GNAI1: variants seen among roughly 807,000 people sequenced by gnomAD.
GNAI1 encodes the protein G protein subunit alpha i1.
GNAI1 carries 11 observed loss-of-function variants against 38.9 expected under a neutral mutation model. The observed-to-expected ratio is 0.28, with a 90% CI of 0.18 to 0.47. GNAI1 has a LOEUF of 0.47. GNAI1 is among the 20% of genes least tolerant of loss of function. The pLI is 0.99. For missense variants in GNAI1, 317 were observed against 436.9 expected (o/e 0.73, Z 2.45); for synonymous variants, 166 against 145.1 (o/e 1.14, Z -1.04).
Position 80,180,342 on chromosome 7 carries a change from TG to T in GNAI1, c.119-8608del, listed in dbSNP as rs1788270443. Among the ~76,000 whole-genome samples, 6 of 152,078 alleles carry T rather than the reference TG, an allele frequency of 3.9e-5. No individual in the cohort carries two copies. In the East Asian group the frequency reaches 1.2e-3, roughly 29 times the overall value. ...TATAAAGTGTGTGTGTGTGTGTGTGTGTGTGTGTATATAAAGTGTAAATGTG... is the reference window on the plus strand; with the variant it reads ...TATAAAGTGTGTGTGTGTGTGTGTGTTGTGTGTATATAAAGTGTAAATGTG... On this transcript the variant is annotated intron_variant, in intron 1 of 7. Transcript: ENST00000649796.
At chr7:80,205,336 C>T (rs151127971) in intron 5 of GNAI1, among the ~76,000 whole-genome samples, 1,529 of 151,422 alleles carry the variant, frequency 0.01, 12 homozygotes, top group Non-Finnish European at 0.016. Flanking sequence ...TTTAACCCAA[C>T]AAGGTTAAGA....
At chr7:80,200,743 A>G (rs1026821759) in intron 4 of GNAI1, among the ~76,000 whole-genome samples, 13 of 151,844 alleles carry the variant, frequency 8.6e-5, no homozygotes, top group African/African-American at 2.9e-4. Context: ...CCTGTATTTC[A>G]TAATCTATAT....
At chr7:80,155,487 T>C (rs1269169226) in intron 1 of GNAI1, among the ~76,000 whole-genome samples, 2 of 152,206 alleles carry the variant, frequency 1.3e-5, no homozygotes, top group Non-Finnish European at 2.9e-5. Context: ...GTTATGTTTT[T>C]ATTTATTCTG....
intron 1 of GNAI1, among the ~76,000 whole-genome samples, chr7:80,152,653 C>T (rs1252542090): frequency 2.7e-5 from 4 of 150,630 alleles, no homozygotes; most frequent in Non-Finnish European, 5.9e-5. Flanking sequence ...CTCCAACTTC[C>T]GGGTTCATGC....
At chr7:80,182,216 A>G (rs919145792) in intron 1 of GNAI1, among the ~76,000 whole-genome samples, 3 of 152,306 alleles carry the variant, frequency 2.0e-5, no homozygotes, top group East Asian at 3.9e-4. Flanking sequence ...TTCATTGTGT[A>G]TATATACACA....
chr7:80,135,295 C>CGGGGCCCGGGGGTCGGCG lies in GNAI1; in HGVS notation c.118+22_118+39dup. On this transcript the variant is annotated intron_variant, in intron 1 of 7. Coordinates refer to ENST00000649796, the MANE Select transcript of GNAI1 (RefSeq NM_002069.6). Reference sequence around the variant, plus strand: ...TGCTGCTCGGTAAGGGCGGCCGGGTCGGGGCCCGGGGGTCGGCGGGGGACC... The same window carrying CGGGGCCCGGGGGTCGGCG: ...TGCTGCTCGGTAAGGGCGGCCGGGTCGGGGCCCGGGGGTCGGCGGGGGCCCGGGGGTCGGCGGGGGACC... 7.3e-7 allele frequency: 1 copy of CGGGGCCCGGGGGTCGGCG among 1,373,708 alleles called. No individual in the cohort carries two copies. Among genetic ancestry groups the CGGGGCCCGGGGGTCGGCG allele is most frequent in the Non-Finnish European group, 9.6e-7 (1 of 1,044,978 alleles). 85.1% of individuals were successfully genotyped at this position (1,373,708 alleles called of 1,614,324 possible).
chr7:80,217,308 A>G lies in GNAI1; in HGVS notation c.880A>G (p.Asn294Asp). 6.5e-7 allele frequency: 1 copy of G among 1,549,470 alleles called. No homozygotes were observed. Among genetic ancestry groups the G allele is most frequent in the Non-Finnish European group, 8.7e-7 (1 of 1,149,222 alleles). Residue 294 changes from asparagine to aspartate, a missense_variant, in exon 8 of 8, where the codon AAC becomes GAC. Coordinates refer to ENST00000649796, the MANE Select transcript of GNAI1 (RefSeq NM_002069.6). ...TICYPEYAGS[N>D]TYEEAAAYIQ... is the part of the protein sequence containing the mutation. Reference sequence around the variant, plus strand: ...CTTTCCTTTTTCCATCTCAGGATCAAACACATATGAAGAGGCAGCTGCATA... The same window carrying G: ...CTTTCCTTTTTCCATCTCAGGATCAGACACATATGAAGAGGCAGCTGCATA...
In GNAI1 at chr7:80,215,363, C is replaced by T. The variant is rs533625254; in HGVS notation, c.875-1940C>T. Reference sequence around the variant, plus strand: ...TAGTTTAATTTAGCAGTTGCATTAGCTTCTGTGGGCCAACAAGATGCTGTT... The same window carrying T: ...TAGTTTAATTTAGCAGTTGCATTAGTTTCTGTGGGCCAACAAGATGCTGTT... On this transcript the variant is annotated intron_variant, in intron 7 of 7. Coordinates refer to ENST00000649796, the MANE Select transcript of GNAI1 (RefSeq NM_002069.6). Among the ~76,000 whole-genome samples, 3 of 152,302 alleles carry T rather than the reference C, an allele frequency of 2.0e-5. No individual in the cohort carries two copies. In the South Asian group the frequency reaches 6.2e-4, roughly 32 times the overall value.
chr7:80,147,538 A>G (rs890949233), intron 1 of GNAI1, among the ~76,000 whole-genome samples: 1 of 152,112 alleles, frequency 6.6e-6, no homozygotes, highest in Non-Finnish European at 1.5e-5. Context: ...TAAGCCACCC[A>G]GTATAGTTTT....
intron 1 of GNAI1, among the ~76,000 whole-genome samples, chr7:80,178,540 A>T (rs566929398): frequency 6.6e-6 from 1 of 152,298 alleles, no homozygotes; most frequent in South Asian, 2.1e-4. Flanking sequence ...ATCACCATGG[A>T]GGCAGGACCC....
At chr7:80,209,987 A>G (rs1788845730) in intron 5 of GNAI1, among the ~76,000 whole-genome samples, 1 of 152,174 alleles carries the variant, frequency 6.6e-6, no homozygotes, top group Non-Finnish European at 1.5e-5. Context: ...TAGTTGATGT[A>G]CTCAAATTTG....
intron 1 of GNAI1, among the ~76,000 whole-genome samples, chr7:80,160,492 A>G (rs1367490360): frequency 1.3e-5 from 2 of 152,104 alleles, no homozygotes; most frequent in Non-Finnish European, 2.9e-5. Flanking sequence ...AGCATTCAGG[A>G]GAAATTCAGT....
chr7:80,139,009 GC>G (rs2116064521), intron 1 of GNAI1, among the ~76,000 whole-genome samples: 1 of 152,218 alleles, frequency 6.6e-6, no homozygotes, highest in Admixed American at 6.5e-5. Context: ...GCTATGCAGG[GC>G]TTTTGATTTT....
chr7:80,156,440 T>A (rs565586623), intron 1 of GNAI1, among the ~76,000 whole-genome samples: 24 of 152,194 alleles, frequency 1.6e-4, no homozygotes, highest in African/African-American at 5.1e-4. Context: ...AAAGCTTTTT[T>A]TTTTTTGAGA....
chr7:80,187,317 AAATAGCTTAAATAAATT>A, intron 1 of GNAI1: 1 of 152,158 alleles, frequency 6.6e-6, no homozygotes, highest in South Asian at 2.1e-4. Context: ...TATCAGTCAG[AAATAGCTTAAATAAATT>A]CAAGTACATT....
intron 1 of GNAI1, among the ~76,000 whole-genome samples, chr7:80,160,826 C>A (rs1170998851): frequency 6.6e-6 from 1 of 151,972 alleles, no homozygotes; most frequent in Non-Finnish European, 1.5e-5. Context: ...TATATTCTTT[C>A]CATTTAATTC....
At chr7:80,181,021 A>G (rs1788283972) in intron 1 of GNAI1, among the ~76,000 whole-genome samples, 1 of 152,120 alleles carries the variant, frequency 6.6e-6, no homozygotes, top group African/African-American at 2.4e-5. Context: ...TAGCTTTCAT[A>G]TAAAAGGGAA....
chr7:80,206,263 T>C (rs1216693303), intron 5 of GNAI1, among the ~76,000 whole-genome samples: 1 of 152,084 alleles, frequency 6.6e-6, no homozygotes, highest in Non-Finnish European at 1.5e-5. Flanking sequence ...AACAAAGATA[T>C]AGGTAATAAT....
At chr7:80,143,105 G>T (rs1192203294) in intron 1 of GNAI1, among the ~76,000 whole-genome samples, 1 of 152,138 alleles carries the variant, frequency 6.6e-6, no homozygotes, top group Non-Finnish European at 1.5e-5. Context: ...TTTATGTCTT[G>T]CTTGTTCCTA....
Sources: gnomAD v4.1 joint callset for allele counts (sites outside exome capture counted in the v4.1 genomes callset) on GRCh38, gnomAD v4.1.1 for gene constraint, MANE v1.5 for transcripts, NCBI Gene and HGNC (gene_info 2026-07-23, HGNC 2026-07-21) for gene names.